VPS53: variants seen among roughly 807,000 people sequenced by gnomAD.
VPS53 encodes the protein vacuolar protein sorting-associated protein 53 homolog.
A neutral mutation model predicts 107.0 loss-of-function variants in VPS53; 70 were observed. The ratio of observed to expected loss-of-function variants is 0.65; its 90% CI spans 0.54 to 0.80. The LOEUF (loss-of-function observed/expected upper bound fraction) is 0.80, where lower values mean the gene tolerates loss of function less well. Ranked by LOEUF, VPS53 falls within the 30% of genes least tolerant of loss-of-function variation. The pLI is 0.00. For missense variants in VPS53, 917 were observed against 1,049.4 expected (o/e 0.87, Z 1.74); for synonymous variants, 409 against 393.3 (o/e 1.04, Z -0.47).
chr17:714,439 G>C lies in VPS53; in HGVS notation c.87+184C>G, dbSNP rs553804320. ...CCAAAGACAATCAAAGCCTAGAAAG[G>C]GTTCTCTTTCCTTTCCTTCTGATTC... On this transcript the variant is annotated intron_variant, in intron 1 of 21. Coordinates refer to ENST00000437048, the MANE Select transcript of VPS53 (RefSeq NM_001128159.3). 220 of 604,874 alleles carry C rather than the reference G, an allele frequency of 3.6e-4. 1 individual carries two copies. Among genetic ancestry groups the C allele is most frequent in the African/African-American group, 3.5e-3 (186 of 52,750 alleles). 37.5% of individuals were successfully genotyped at this position (604,874 alleles called of 1,614,324 possible). A position where few individuals can be genotyped will look rare whatever the true frequency, so the allele number is the denominator to read the frequency against.
intron 11 of VPS53, among the ~76,000 whole-genome samples, chr17:602,351 T>G (rs1255318972): frequency 1.3e-5 from 2 of 152,238 alleles, no homozygotes; most frequent in Non-Finnish European, 2.9e-5. Context: ...TCTCAGTGCC[T>G]AGCATGTAGC....
At chr17:643,602 G>A (rs1970548476) in intron 7 of VPS53, among the ~76,000 whole-genome samples, 1 of 149,156 alleles carries the variant, frequency 6.7e-6, no homozygotes, top group African/African-American at 2.5e-5. Context: ...TGGCAACCGA[G>A]GACAACACTC....
At chr17:690,641 G>A (rs1243016982) in intron 4 of VPS53, among the ~76,000 whole-genome samples, 5 of 152,176 alleles carry the variant, frequency 3.3e-5, no homozygotes, top group Admixed American at 2.6e-4. Flanking sequence ...GGGGTTTCAG[G>A]TGACTGCCAA....
At chr17:538,718 T>A (rs1019827319) in intron 17 of VPS53, 1 of 152,174 alleles carries the variant, frequency 6.6e-6, no homozygotes, top group African/African-American at 2.4e-5. Context: ...CCCAGAAACA[T>A]GAAGAGTCTT....
At chr17:669,464 A>C (rs939994240) in intron 4 of VPS53, among the ~76,000 whole-genome samples, 23 of 152,014 alleles carry the variant, frequency 1.5e-4, no homozygotes, top group African/African-American at 5.6e-4. Flanking sequence ...GTGCTAGTAC[A>C]TGCCTATAGT....
intron 19 of VPS53, among the ~76,000 whole-genome samples, chr17:526,696 G>A (rs975116348): frequency 1.3e-5 from 2 of 152,210 alleles, no homozygotes; most frequent in African/African-American, 4.8e-5. Flanking sequence ...GGGCAGTGTG[G>A]GCTGGCTAAT....
At chr17:587,573 C>A (rs940362249) in intron 12 of VPS53, among the ~76,000 whole-genome samples, 24 of 152,086 alleles carry the variant, frequency 1.6e-4, no homozygotes, top group African/African-American at 5.6e-4. Context: ...TACTTGGAAG[C>A]CACTGATAAA....
At chr17:578,804 C>A (rs746523008) in intron 13 of VPS53, among the ~76,000 whole-genome samples, 5 of 151,070 alleles carry the variant, frequency 3.3e-5, no homozygotes, top group East Asian at 2.0e-4. Context: ...GAACCCCCAA[C>A]AGAATCTCAG....
chr17:654,687 A>G (rs931221601), intron 6 of VPS53, among the ~76,000 whole-genome samples: 11 of 148,272 alleles, frequency 7.4e-5, no homozygotes, highest in African/African-American at 2.5e-4. Context: ...CAGTGAGCCT[A>G]GATCGCGCCA....
intron 18 of VPS53, among the ~76,000 whole-genome samples, chr17:534,183 A>G (rs1449718784): frequency 1.3e-5 from 2 of 152,188 alleles, no homozygotes; most frequent in African/African-American, 4.8e-5. Flanking sequence ...GCACTTTACC[A>G]GGAAGTTAAT....
At position 684,772 on chromosome 17, in the gene VPS53, G is replaced by A. The variant is rs558502366; in HGVS notation, c.285+12646C>T. 2.6e-5 allele frequency among the ~76,000 whole-genome samples: 4 copies of A among 152,034 alleles called. No homozygotes were observed. In the South Asian group the frequency reaches 8.3e-4, roughly 32 times the overall value. ...GAGGCCGAGGCGAGTGAATCACCGAGGTCAGGAGTTCGAGACCAGCCTGGC... is the reference window on the plus strand; with the variant it reads ...GAGGCCGAGGCGAGTGAATCACCGAAGTCAGGAGTTCGAGACCAGCCTGGC... On this transcript the variant is annotated intron_variant, in intron 4 of 21. Transcript: ENST00000437048.
intron 4 of VPS53, among the ~76,000 whole-genome samples, chr17:693,464 A>G (rs1428590803): frequency 6.6e-6 from 1 of 152,188 alleles, no homozygotes; most frequent in Non-Finnish European, 1.5e-5. Flanking sequence ...TCTCATGCCT[A>G]TAATCTCAGC....
Position 714,791 on chromosome 17 carries a change from T to A in VPS53, c.-82A>T. The A allele has an allele frequency of 2.0e-6, 3 of 1,510,410 alleles. No individual in the cohort carries two copies. The highest frequency in any genetic ancestry group is 2.8e-6 in the Non-Finnish European group (3 of 1,089,906). The allele number at this position is 1,510,410 out of a possible 1,614,324, so 93.6% of individuals were successfully genotyped here. ...GCCACCCAGGCCCCAGCACAGCAAC[T>A]CCCTCGCGGCAGCGACCTGGTGAGC... On this transcript the variant is annotated 5_prime_UTR_variant, in exon 1 of 22. Transcript: ENST00000437048.
At chr17:620,428 G>C (rs1368991768) in intron 11 of VPS53, among the ~76,000 whole-genome samples, 1 of 152,214 alleles carries the variant, frequency 6.6e-6, no homozygotes, top group Non-Finnish European at 1.5e-5. Flanking sequence ...CAGAGGTGAA[G>C]GTTGAACAAG....
chr17:675,079 G>C (rs1268009713), intron 4 of VPS53: 1 of 152,166 alleles, frequency 6.6e-6, no homozygotes, highest in Non-Finnish European at 1.5e-5. Context: ...AACTGAAAAT[G>C]TGTCTTTGCT....
chr17:548,806 G>A (rs1911537859), intron 17 of VPS53, among the ~76,000 whole-genome samples: 1 of 152,210 alleles, frequency 6.6e-6, no homozygotes. Context: ...AAGCTCTTTA[G>A]CTTCCCTAAC....
intron 13 of VPS53, among the ~76,000 whole-genome samples, chr17:563,923 C>G (rs1325697508): frequency 6.6e-6 from 1 of 152,174 alleles, no homozygotes; most frequent in Non-Finnish European, 1.5e-5. Flanking sequence ...CTTAGAACTT[C>G]CAGAATCAAA....
intron 11 of VPS53, among the ~76,000 whole-genome samples, chr17:608,415 A>G (rs1187251345): frequency 6.6e-6 from 1 of 152,184 alleles, no homozygotes; most frequent in Non-Finnish European, 1.5e-5. Context: ...TATTTTCTGT[A>G]AACAAAACAA....
At chr17:679,853 T>C (rs1282633241) in intron 4 of VPS53, among the ~76,000 whole-genome samples, 6 of 152,086 alleles carry the variant, frequency 3.9e-5, no homozygotes, top group African/African-American at 7.2e-5. Context: ...GTTTGTTTTA[T>C]AAAGCTGACA....
Sources: gnomAD v4.1 joint callset for allele counts (sites outside exome capture counted in the v4.1 genomes callset) on GRCh38, gnomAD v4.1.1 for gene constraint, MANE v1.5 for transcripts, NCBI Gene and HGNC (gene_info 2026-07-23, HGNC 2026-07-21) for gene names.